The following ITPR1 variants were observed in gnomAD, a reference collection of about 807,000 sequenced individuals.
ITPR1 encodes the protein inositol 1,4,5-trisphosphate receptor type 1.
Under a neutral mutation model 318.4 loss-of-function variants are expected in ITPR1, and 96 were observed. The observed-to-expected ratio is 0.30, with a 90% CI of 0.26 to 0.36. The LOEUF (loss-of-function observed/expected upper bound fraction) is 0.36, where lower values mean the gene tolerates loss of function less well. Among genes scored for constraint, ITPR1 ranks in the 10% least tolerant of loss-of-function variants. The probability of loss-of-function intolerance (pLI) is 1.00; values close to 1 mark genes in which losing one functional copy is unlikely to be tolerated. For missense variants in ITPR1, 2,440 were observed against 3,460.2 expected, an observed-to-expected ratio of 0.71 and a Z score of 7.40; for synonymous variants, 1,312 against 1,289.9, an observed-to-expected ratio of 1.02 and a Z score of -0.37.
intron 4 of ITPR1, among the ~76,000 whole-genome samples, chr3:4,621,422 A>G (rs1234659092): frequency 1.3e-5 from 2 of 152,078 alleles, no homozygotes; most frequent in African/African-American, 4.8e-5. Context: ...GTGGTTCTAA[A>G]CCATTCATGA....
intron 4 of ITPR1, among the ~76,000 whole-genome samples, chr3:4,626,574 A>G (rs1474154859): frequency 6.6e-6 from 1 of 152,140 alleles, no homozygotes; most frequent in Non-Finnish European, 1.5e-5. Context: ...TTTTCTGCAG[A>G]AATCTTTTGA....
chr3:4,676,616 A>G lies in ITPR1; in HGVS notation c.2782A>G (p.Ser928Gly). 1 of 1,613,356 alleles carries G rather than the reference A, an allele frequency of 6.2e-7. No homozygotes were observed. The highest frequency in any genetic ancestry group is 8.5e-7 in the Non-Finnish European group (1 of 1,179,542). The stretch of plus-strand genomic sequence containing the variant: ...TGGTCTCTCCTGGCCTTTCCTAGGC[A>G]GTAACGTGATGAGATCTATTCATGG... ...GNNDVEKLKS[S>G]NVMRSIHGVG... The change falls in exon 24 of 62, where the codon AGT becomes GGT. Residue 928 changes from serine to glycine, a missense_variant and splice_region_variant. Ser to Gly is a moderately conservative substitution (Grantham distance 56). This residue lies in a region of ITPR1 where 478 missense variants were observed against 696.3 expected (regional missense o/e 0.69). Transcript: ENST00000649015.
chr3:4,737,879 T>C (rs573369734), intron 44 of ITPR1, among the ~76,000 whole-genome samples: 2 of 152,176 alleles, frequency 1.3e-5, no homozygotes, highest in East Asian at 1.9e-4. Context: ...ACTGTGCACA[T>C]GTTTAAAACT....
At chr3:4,736,102 C>A (rs2043245520) in intron 44 of ITPR1, among the ~76,000 whole-genome samples, 1 of 151,728 alleles carries the variant, frequency 6.6e-6, no homozygotes, top group South Asian at 2.1e-4. Flanking sequence ...TTTAATACCT[C>A]CTTTATGCAC....
In ITPR1 at chr3:4,715,776, C is replaced by T. The variant is rs73112439; in HGVS notation, c.5104-1591C>T. ...GCTGAGGCAGGAGAATTACTTGAAC[C>T]CAGGAGGTGGAGGTTGTAGTGAGCC... On this transcript the variant is annotated intron_variant, in intron 39 of 61. Coordinates refer to ENST00000649015, the MANE Select transcript of ITPR1 (RefSeq NM_001378452.1). Among the ~76,000 whole-genome samples, 98 of 152,222 alleles carry T rather than the reference C, an allele frequency of 6.4e-4. 2 individuals are homozygous for T. The highest frequency in any genetic ancestry group is 2.1e-4 in the Non-Finnish European group (14 of 68,008).
At chr3:4,714,576 A>G (rs1433763420) in intron 39 of ITPR1, among the ~76,000 whole-genome samples, 1 of 152,188 alleles carries the variant, frequency 6.6e-6, no homozygotes, top group African/African-American at 2.4e-5. Flanking sequence ...GATCAAGACT[A>G]CCGTCTGGGT....
At chr3:4,525,864 G>A (rs943861654) in intron 4 of ITPR1, among the ~76,000 whole-genome samples, 7 of 151,986 alleles carry the variant, frequency 4.6e-5, no homozygotes, top group African/African-American at 1.7e-4. Flanking sequence ...CAGCTCCCCC[G>A]GTGCTAAATA....
intron 4 of ITPR1, among the ~76,000 whole-genome samples, chr3:4,550,218 G>A (rs905786837): frequency 6.6e-6 from 1 of 152,016 alleles, no homozygotes; most frequent in African/African-American, 2.4e-5. Context: ...CTCTGAGCAG[G>A]GCCATGTTGG....
At chr3:4,619,338 C>T (rs554222439) in intron 4 of ITPR1, among the ~76,000 whole-genome samples, 1 of 152,274 alleles carries the variant, frequency 6.6e-6, no homozygotes, top group Admixed American at 6.5e-5. Flanking sequence ...TGATTGTTTC[C>T]ATACCTTCAG....
chr3:4,558,682 G>T (rs1222882306), intron 4 of ITPR1, among the ~76,000 whole-genome samples: 1 of 152,124 alleles, frequency 6.6e-6, no homozygotes, highest in Admixed American at 6.6e-5. Flanking sequence ...AAAGAACTAT[G>T]AATATGTCTT....
At chr3:4,702,540 C>A (rs2094677533) in intron 35 of ITPR1, among the ~76,000 whole-genome samples, 1 of 152,200 alleles carries the variant, frequency 6.6e-6, no homozygotes, top group African/African-American at 2.4e-5. Flanking sequence ...AGTCTTTGAA[C>A]TGTGGATCCA....
At chr3:4,709,452 C>A (rs1463972049) in intron 37 of ITPR1, among the ~76,000 whole-genome samples, 1 of 152,232 alleles carries the variant, frequency 6.6e-6, no homozygotes, top group Non-Finnish European at 1.5e-5. Flanking sequence ...ATTTAAGCAG[C>A]TTTTCCCATG....
intron 4 of ITPR1, among the ~76,000 whole-genome samples, chr3:4,594,209 AC>A (rs2090616145): frequency 6.6e-6 from 1 of 152,110 alleles, no homozygotes; most frequent in Non-Finnish European, 1.5e-5. Flanking sequence ...AGCTTCAGTA[AC>A]CCAGTTTTAG....
chr3:4,606,637 T>C (rs1301910875), intron 4 of ITPR1, among the ~76,000 whole-genome samples: 1 of 152,064 alleles, frequency 6.6e-6, no homozygotes, highest in Admixed American at 6.5e-5. Context: ...TAGCGGAATG[T>C]TAATTATGTA....
At chr3:4,840,634 T>G (rs1030547598) in intron 61 of ITPR1, among the ~76,000 whole-genome samples, 4 of 152,216 alleles carry the variant, frequency 2.6e-5, no homozygotes, top group African/African-American at 9.6e-5. Flanking sequence ...AGGATATTAG[T>G]AAAATTATGG....
At chr3:4,506,422 T>A (rs779046080) in intron 2 of ITPR1, among the ~76,000 whole-genome samples, 2 of 152,230 alleles carry the variant, frequency 1.3e-5, no homozygotes, top group South Asian at 4.1e-4. Context: ...CTATCTTGAC[T>A]TTCAGGTCTT....
chr3:4,667,118 C>T (rs1405766795), intron 17 of ITPR1, among the ~76,000 whole-genome samples: 2 of 152,146 alleles, frequency 1.3e-5, no homozygotes, highest in Non-Finnish European at 2.9e-5. Context: ...ATACTGTGCA[C>T]TTAATAAAAT....
intron 46 of ITPR1, among the ~76,000 whole-genome samples, chr3:4,770,905 CG>C (rs887528135): frequency 6.6e-6 from 1 of 152,086 alleles, no homozygotes; most frequent in African/African-American, 2.4e-5. Context: ...CCACTAGTCA[CG>C]GGATTCAGGC....
intron 5 of ITPR1, among the ~76,000 whole-genome samples, chr3:4,628,917 G>A (rs900470457): frequency 6.6e-6 from 1 of 152,206 alleles, no homozygotes; most frequent in Non-Finnish European, 1.5e-5. Context: ...TTTGACCAGC[G>A]TATGGCTAAG....
Sources: allele counts gnomAD v4.1 joint callset (sites outside exome capture counted in the v4.1 genomes callset), GRCh38; gene constraint gnomAD v4.1.1; regional missense constraint gnomAD v4.1.1; transcripts MANE v1.5; gene names NCBI Gene and HGNC (gene_info 2026-07-23, HGNC 2026-07-21).